NCOA7: variants seen among roughly 807,000 people sequenced by gnomAD.
NCOA7 encodes 140 kDa estrogen receptor-associated protein.
NCOA7 carries 45 observed loss-of-function variants against 104.3 expected under a neutral mutation model. That is an observed-to-expected ratio of 0.43 (90% CI 0.34 to 0.55). NCOA7 has a LOEUF of 0.55. NCOA7 is among the 20% of genes least tolerant of loss of function. The pLI, the probability that NCOA7 is intolerant of heterozygous loss-of-function variation, is 0.02. For missense variants in NCOA7, 1,041 were observed against 1,119.7 expected (o/e 0.93, Z 1.00); for synonymous variants, 398 against 402.3 (o/e 0.99, Z 0.13).
chr6:125,911,878 C>T (rs995224020), intron 10 of NCOA7, among the ~76,000 whole-genome samples: 6 of 152,168 alleles, frequency 3.9e-5, no homozygotes, highest in Non-Finnish European at 1.5e-5. Flanking sequence ...GTTTGTTCAT[C>T]TCCTGCAAAA....
intron 2 of NCOA7, among the ~76,000 whole-genome samples, chr6:125,835,058 GTA>G (rs963067902): frequency 2.6e-5 from 4 of 152,178 alleles, no homozygotes; most frequent in African/African-American, 7.2e-5. Flanking sequence ...TTAAAAGGAT[GTA>G]TATTTCCCAG....
chr6:125,873,774 T>C (rs1411368619), intron 3 of NCOA7, among the ~76,000 whole-genome samples: 3 of 152,256 alleles, frequency 2.0e-5, no homozygotes, highest in African/African-American at 4.8e-5. Context: ...ATTGGAATTA[T>C]ACAGCTTTCT....
intron 4 of NCOA7, among the ~76,000 whole-genome samples, chr6:125,877,028 G>C (rs1411545605): frequency 6.6e-6 from 1 of 152,110 alleles, no homozygotes; most frequent in Non-Finnish European, 1.5e-5. Context: ...ACATAATACA[G>C]TATTAAAAAT....
chr6:125,817,663 AT>A (rs756428753), intron 2 of NCOA7, among the ~76,000 whole-genome samples: 7 of 151,952 alleles, frequency 4.6e-5, no homozygotes, highest in Non-Finnish European at 8.8e-5. Flanking sequence ...CTTTTGTTGG[AT>A]ATGTGATTTG....
chr6:125,818,335 A>T (rs1215579542), intron 2 of NCOA7, among the ~76,000 whole-genome samples: 2 of 152,164 alleles, frequency 1.3e-5, no homozygotes, highest in African/African-American at 4.8e-5. Context: ...GAAGAGCAGC[A>T]CAGTTTTTTC....
chr6:125,860,870 ATAT>A (rs1027131526), intron 3 of NCOA7, among the ~76,000 whole-genome samples: 6 of 152,148 alleles, frequency 3.9e-5, no homozygotes, highest in East Asian at 3.8e-4. Flanking sequence ...GGGATAAAAT[ATAT>A]TATTATGATT....
At chr6:125,895,253 G>A (rs1784911037) in intron 10 of NCOA7, among the ~76,000 whole-genome samples, 1 of 152,160 alleles carries the variant, frequency 6.6e-6, no homozygotes, top group Non-Finnish European at 1.5e-5. Flanking sequence ...ATTATGTAGA[G>A]TTTCTCAAGC....
intron 2 of NCOA7, among the ~76,000 whole-genome samples, chr6:125,849,588 A>G (rs370731920): frequency 5.9e-5 from 9 of 152,260 alleles, no homozygotes; most frequent in South Asian, 2.1e-4. Context: ...TTTTGTTTTC[A>G]TAATAAAAGA....
intron 2 of NCOA7, among the ~76,000 whole-genome samples, chr6:125,845,772 A>C (rs972000996): frequency 8.5e-5 from 13 of 152,180 alleles, no homozygotes; most frequent in Admixed American, 1.3e-4. Flanking sequence ...TCTCAAAAAA[A>C]CAAAAAAGTG....
In NCOA7 at chr6:125,888,981, A is replaced by C. The variant is rs767661988; in HGVS notation, c.927A>C (p.Glu309Asp). 1 of 1,609,792 alleles carries C rather than the reference A, an allele frequency of 6.2e-7. No individual in the cohort carries two copies. The highest frequency in any genetic ancestry group is 1.1e-5 in the South Asian group (1 of 90,810). ...TTTGTCCTCTGTACAGGCCTGGAGAATGGGAAGACCTGGCTTCAGAAAAGG... is the reference window on the plus strand; with the variant it reads ...TTTGTCCTCTGTACAGGCCTGGAGACTGGGAAGACCTGGCTTCAGAAAAGG... The part of the protein sequence containing the change: ...QDLCPLYRPG[E>D]WEDLASEKDI... Residue 309 changes from glutamate (E) to aspartate (D), a missense_variant, in exon 9 of 16, where the codon GAA becomes GAC. Glu to Asp is a conservative substitution (Grantham distance 45). Around this residue, in one of 2 missense-constraint regions of NCOA7, gnomAD observed 914 missense variants for 942.7 expected, o/e 0.97. Transcript: ENST00000392477.
At chr6:125,854,705 G>A (rs1382500613) in intron 2 of NCOA7, among the ~76,000 whole-genome samples, 1 of 152,036 alleles carries the variant, frequency 6.6e-6, no homozygotes, top group Non-Finnish European at 1.5e-5. Context: ...CATATATTGT[G>A]ATTTTTAAAA....
Position 125,858,527 on chromosome 6 carries a change from C to A in NCOA7, c.271+3287C>A, listed in dbSNP as rs570871686. ...TAGCACACACCTGTAGTCCCAGCTACTTGGGATGCTGAGGTGAGAGAATTG... is the reference window on the plus strand; with the variant it reads ...TAGCACACACCTGTAGTCCCAGCTAATTGGGATGCTGAGGTGAGAGAATTG... On this transcript the variant is annotated intron_variant, in intron 3 of 15. Coordinates refer to ENST00000392477, the MANE Select transcript of NCOA7 (RefSeq NM_181782.5). Among the ~76,000 whole-genome samples the A allele has an allele frequency of 2.6e-5, 4 of 151,736 alleles. No homozygotes were observed. In the South Asian group the frequency reaches 8.3e-4, roughly 32 times the overall value.
intron 2 of NCOA7, among the ~76,000 whole-genome samples, chr6:125,816,945 G>C (rs1363644112): frequency 6.6e-6 from 1 of 152,180 alleles, no homozygotes; most frequent in Non-Finnish European, 1.5e-5. Flanking sequence ...CCATCTGCCT[G>C]CCTCCTCTGA....
At chr6:125,869,160 A>G (rs1299567886) in intron 3 of NCOA7, among the ~76,000 whole-genome samples, 2 of 152,220 alleles carry the variant, frequency 1.3e-5, no homozygotes, top group Non-Finnish European at 2.9e-5. Context: ...TTCAAGCACA[A>G]TAATGAATCA....
At chr6:125,926,671 T>G (rs1480567421) in intron 13 of NCOA7, among the ~76,000 whole-genome samples, 1 of 152,170 alleles carries the variant, frequency 6.6e-6, no homozygotes, top group African/African-American at 2.4e-5. Flanking sequence ...ACCTAATACT[T>G]AGTGTTACAA....
chr6:125,879,317 T>C (rs1230948461), intron 5 of NCOA7, among the ~76,000 whole-genome samples: 1 of 152,216 alleles, frequency 6.6e-6, no homozygotes, highest in Non-Finnish European at 1.5e-5. Flanking sequence ...TTGTATGAGA[T>C]TCTGTAGGAG....
Position 125,928,887 on chromosome 6 carries a change from T to C in NCOA7, c.*116T>C, listed in dbSNP as rs1490990614. On this transcript the variant is annotated 3_prime_UTR_variant, in exon 16 of 16. Transcript: ENST00000392477. ...TGCCTCATCCCACCCCAATGCTTCC[T>C]TTCTGCCATCATCTCAGAGCATGAT... 8.9e-7 allele frequency: 1 copy of C among 1,119,824 alleles called. No homozygotes were observed. The highest frequency in any genetic ancestry group is 2.6e-5 in the East Asian group (1 of 39,184). The allele number at this position is 1,119,824 out of a possible 1,614,324, so 69.4% of individuals were successfully genotyped here.
chr6:125,901,914 G>A (rs558007116), intron 10 of NCOA7, among the ~76,000 whole-genome samples: 21 of 152,130 alleles, frequency 1.4e-4, no homozygotes, highest in Non-Finnish European at 2.6e-4. Context: ...GCCAGACCTG[G>A]CTGAACTCCT....
chr6:125,806,801 A>G (rs978027916), intron 1 of NCOA7, among the ~76,000 whole-genome samples: 5 of 152,202 alleles, frequency 3.3e-5, no homozygotes, highest in Non-Finnish European at 5.9e-5. Flanking sequence ...TACATATTGA[A>G]ATACCTGTGA....
Sources: gnomAD v4.1 joint callset for allele counts (sites outside exome capture counted in the v4.1 genomes callset) on GRCh38, gnomAD v4.1.1 for gene constraint, gnomAD v4.1.1 regional missense constraint, MANE v1.5 for transcripts, NCBI Gene and HGNC (gene_info 2026-07-23, HGNC 2026-07-21) for gene names.